Variants in UGT2A1 observed in about 807,000 individuals in gnomAD.
UGT2A1 encodes the protein UDP-glucuronosyltransferase 2A1.
Under a neutral mutation model 45.4 loss-of-function variants are expected in UGT2A1, and 61 were observed. The observed-to-expected ratio is 1.34, with a 90% confidence interval of 1.09 to 1.66. The LOEUF is 1.66. Among genes scored for constraint, UGT2A1 ranks in the 40% most tolerant of loss-of-function variants. UGT2A1 has a pLI of 0.00. For synonymous variants in UGT2A1, 229 were observed against 196.2 expected, an observed-to-expected ratio of 1.17 and a Z score of -1.40; for missense variants, 649 against 574.3, an observed-to-expected ratio of 1.13 and a Z score of -1.33.
At chr4:69,610,751 C>T (rs950389758) in intron 3 of UGT2A1, among the ~76,000 whole-genome samples, 1 of 152,048 alleles carries the variant, frequency 6.6e-6, no homozygotes, top group Non-Finnish European at 1.5e-5. Flanking sequence ...AAGATGGTGG[C>T]CATAAAAACT....
rs563800642 is a variant in UGT2A1, at chr4:69,611,985, G to T, written c.848-12591C>A. Among the ~76,000 whole-genome samples, 5 of 152,100 alleles carry T rather than the reference G, an allele frequency of 3.3e-5. No individual in the cohort carries two copies. The South Asian group carries it at 1.0e-3, about 32-fold the overall frequency. The stretch of plus-strand genomic sequence containing the variant: ...AAATTTCCTCTGTTGACTTGTCCCT[G>T]TGTGGAAGAAAAATATATTCTCTCA... On this transcript the variant is annotated intron_variant, in intron 3 of 6. Transcript: ENST00000286604.
intron 3 of UGT2A1, among the ~76,000 whole-genome samples, chr4:69,623,494 TA>T (rs35302832): frequency 6.6e-6 from 1 of 151,672 alleles, no homozygotes; most frequent in African/African-American, 2.4e-5. Context: ...TGCATACATG[TA>T]AAAAAATAGC....
intron 4 of UGT2A1, among the ~76,000 whole-genome samples, chr4:69,597,530 T>C (rs934681715): frequency 2.0e-5 from 3 of 152,132 alleles, no homozygotes; most frequent in Admixed American, 1.3e-4. Flanking sequence ...TTTGTTGGGA[T>C]CACACTGGAA....
intron 3 of UGT2A1, among the ~76,000 whole-genome samples, chr4:69,608,790 G>T (rs542998862): frequency 6.6e-6 from 1 of 152,004 alleles, no homozygotes; most frequent in Non-Finnish European, 1.5e-5. Flanking sequence ...CTGCCTCCTG[G>T]GTTCAAGCCA....
At chr4:69,597,241 A>G (rs1177424541) in intron 4 of UGT2A1, among the ~76,000 whole-genome samples, 1 of 152,212 alleles carries the variant, frequency 6.6e-6, no homozygotes, top group Non-Finnish European at 1.5e-5. Context: ...ACAGGATAAC[A>G]AAGTGCATCT....
chr4:69,610,687 G>A (rs973305066), intron 3 of UGT2A1, among the ~76,000 whole-genome samples: 1 of 152,142 alleles, frequency 6.6e-6, no homozygotes, highest in Non-Finnish European at 1.5e-5. Context: ...CTTCCAAGAA[G>A]AGGAAGTGAC....
At chr4:69,609,256 A>C (rs1360729025) in intron 3 of UGT2A1, among the ~76,000 whole-genome samples, 3 of 151,884 alleles carry the variant, frequency 2.0e-5, no homozygotes, top group Non-Finnish European at 4.4e-5. Context: ...GAGCCCAAGA[A>C]ATCCTCCTAC....
rs555929988 is a variant in UGT2A1 at position 69,628,179 on chromosome 4, C to T, written c.847+7512G>A. On this transcript the variant is annotated intron_variant, in intron 3 of 6. Coordinates refer to ENST00000286604, the MANE Select transcript of UGT2A1 (RefSeq NM_001252275.3). The stretch of plus-strand genomic sequence containing the variant: ...AATTTGTCTCAGGGCATCAAAATGT[C>T]CATGTTACCCAAAACAATCCAGATT... 6.6e-5 allele frequency among the ~76,000 whole-genome samples: 10 copies of T among 151,908 alleles called. No homozygotes were observed. The South Asian group carries it at 2.1e-3, about 32-fold the overall frequency.
chr4:69,605,862 G>A (rs1719576864), intron 3 of UGT2A1, among the ~76,000 whole-genome samples: 1 of 136,730 alleles, frequency 7.3e-6, no homozygotes, highest in Admixed American at 7.2e-5. Flanking sequence ...ACCCTCCCAA[G>A]ACTAAATCAG....
chr4:69,609,821 G>T (rs1167493981), intron 3 of UGT2A1, among the ~76,000 whole-genome samples: 1 of 152,122 alleles, frequency 6.6e-6, no homozygotes, highest in African/African-American at 2.4e-5. Context: ...ACAGTCAATT[G>T]TCAATTGACA....
At chr4:69,593,489 G>A (rs1486166553) in intron 6 of UGT2A1, among the ~76,000 whole-genome samples, 1 of 151,128 alleles carries the variant, frequency 6.6e-6, no homozygotes, top group Admixed American at 6.6e-5. Context: ...ACTTTGGTGA[G>A]ATCTTTCAGA....
chr4:69,603,329 T>A (rs920803910), intron 3 of UGT2A1, among the ~76,000 whole-genome samples: 1 of 136,484 alleles, frequency 7.3e-6, no homozygotes, highest in Non-Finnish European at 1.6e-5. Flanking sequence ...TGTAATGAAA[T>A]TCATGAATGA....
At position 69,646,971 on chromosome 4, in the gene UGT2A1, G is replaced by A; in HGVS notation, c.674C>T (p.Thr225Ile). The A allele has an allele frequency of 6.2e-7, 1 of 1,604,696 alleles. No individual in the cohort carries two copies. The highest frequency in any genetic ancestry group is 8.5e-7 in the Non-Finnish European group (1 of 1,176,398). ...SYHLQDYMFETLWKSWDSYYS... is the reference protein window; with the variant it reads ...SYHLQDYMFEILWKSWDSYYS... ...GTATGAATCCCATGATTTCCAAAGAGTTTCAAACATGTAGTCCTGTAGGTG... is the reference window on the plus strand; with the variant it reads ...GTATGAATCCCATGATTTCCAAAGAATTTCAAACATGTAGTCCTGTAGGTG... Residue 225 changes from threonine to isoleucine, a missense_variant, in exon 2 of 7, where the codon ACT (threonine) becomes ATT (isoleucine). Transcript: ENST00000286604.
chr4:69,600,523 AC>A (rs1428567897), intron 3 of UGT2A1, among the ~76,000 whole-genome samples: 1 of 152,200 alleles, frequency 6.6e-6, no homozygotes, highest in Non-Finnish European at 1.5e-5. Flanking sequence ...GGACATCCCT[AC>A]TTTAGAGGAG....
intron 2 of UGT2A1, among the ~76,000 whole-genome samples, chr4:69,637,928 C>A (rs200492135): frequency 4.0e-4 from 47 of 117,092 alleles, no homozygotes; most frequent in Admixed American, 2.1e-3. Flanking sequence ...GGCAGGCAGG[C>A]AGGAAGGAAG....
chr4:69,591,107 C>T (rs1004266073), intron 6 of UGT2A1, among the ~76,000 whole-genome samples: 1 of 152,144 alleles, frequency 6.6e-6, no homozygotes, highest in Non-Finnish European at 1.5e-5. Context: ...TTATAGTTCT[C>T]ATTTTTTTGC....
chr4:69,603,388 G>A (rs1719411422), intron 3 of UGT2A1, among the ~76,000 whole-genome samples: 1 of 136,762 alleles, frequency 7.3e-6, no homozygotes, highest in Admixed American at 7.2e-5. Context: ...ATAGTGATGG[G>A]ACAGCTCCTT....
chr4:69,590,709 C>A (rs1383909722), intron 6 of UGT2A1, among the ~76,000 whole-genome samples: 1 of 151,878 alleles, frequency 6.6e-6, no homozygotes, highest in Non-Finnish European at 1.5e-5. Context: ...AGTAATTTCA[C>A]ATGGATCATC....
At chr4:69,619,238 A>G (rs997802107) in intron 3 of UGT2A1, among the ~76,000 whole-genome samples, 2 of 151,742 alleles carry the variant, frequency 1.3e-5, no homozygotes, top group Non-Finnish European at 2.9e-5. Context: ...CTCTATAAAA[A>G]TAAAAATAAA....
Sources: allele counts gnomAD v4.1 joint callset (sites outside exome capture counted in the v4.1 genomes callset), GRCh38; gene constraint gnomAD v4.1.1; transcripts MANE v1.5; gene names NCBI Gene and HGNC (gene_info 2026-07-23, HGNC 2026-07-21).